CYP4X1: variants seen among roughly 807,000 people sequenced by gnomAD.
CYP4X1 encodes the protein cytochrome P450 4X1.
In CYP4X1, 44 loss-of-function variants were observed where a neutral mutation model predicts 57.9. The ratio of observed to expected loss-of-function variants is 0.76; its 90% confidence interval spans 0.60 to 0.98. The LOEUF is 0.98. Ranked by LOEUF, CYP4X1 falls within the 50% of genes least tolerant of loss-of-function variation. CYP4X1 has a pLI of 0.00. For synonymous variants in CYP4X1, 227 were observed against 228.6 expected, an observed-to-expected ratio of 0.99 and a Z score of 0.06; for missense variants, 532 against 623.9, an observed-to-expected ratio of 0.85 and a Z score of 1.57.
At chr1:47,047,430 A>T (rs1423527005) in intron 9 of CYP4X1, among the ~76,000 whole-genome samples, 1 of 152,202 alleles carries the variant, frequency 6.6e-6, no homozygotes, top group East Asian at 1.9e-4. Flanking sequence ...TGGAAGCTAG[A>T]ATTATTTCTG....
chr1:47,007,428 C>T, the CYP4X1 span, among the ~76,000 whole-genome samples: 1 of 152,084 alleles, frequency 6.6e-6, no homozygotes, highest in Admixed American at 6.6e-5. Context: ...CCCATCTGTA[C>T]GTCACCATGA....
At chr1:46,967,835 G>A in the CYP4X1 span, 3 of 1,281,256 alleles carry the variant, frequency 2.3e-6, no homozygotes, top group Non-Finnish European at 2.0e-6. Context: ...GCCACCTTTA[G>A]CTCATTCATG....
the CYP4X1 span, among the ~76,000 whole-genome samples, chr1:46,979,881 T>C: frequency 2.0e-5 from 3 of 152,114 alleles, no homozygotes; most frequent in East Asian, 5.8e-4. Context: ...AAAAACCACA[T>C]GATTATCTCA....
the CYP4X1 span, among the ~76,000 whole-genome samples, chr1:46,966,243 C>T: frequency 6.6e-5 from 10 of 152,156 alleles, no homozygotes; most frequent in Non-Finnish European, 7.4e-5. Context: ...CTTGGCTCGC[C>T]GGATTCAGCC....
At chr1:47,026,542 A>G (rs2148504487) in intron 1 of CYP4X1, among the ~76,000 whole-genome samples, 1 of 152,212 alleles carries the variant, frequency 6.6e-6, no homozygotes, top group East Asian at 1.9e-4. Flanking sequence ...TTTCTATACA[A>G]ATTTTAGACT....
At chr1:47,000,315 CCTT>C in the CYP4X1 span, among the ~76,000 whole-genome samples, 1 of 152,070 alleles carries the variant, frequency 6.6e-6, no homozygotes, top group Non-Finnish European at 1.5e-5. Context: ...GTCAATGAAA[CCTT>C]CTTTTGTTAT....
At chr1:47,049,274 C>T (rs769669196) in intron 10 of CYP4X1, 148 bp from the exon 11 acceptor site, 2 of 589,060 alleles carry the variant, frequency 3.4e-6, no homozygotes, top group Non-Finnish European at 6.0e-6. Flanking sequence ...TTAAGATTAA[C>T]TTCACCTTTT....
At chr1:46,982,717 C>A in the CYP4X1 span, among the ~76,000 whole-genome samples, 14 of 152,186 alleles carry the variant, frequency 9.2e-5, no homozygotes, top group African/African-American at 3.4e-4. Flanking sequence ...CTTGCTCAGC[C>A]ATGTGGCTCC....
At chr1:47,018,984 G>T (rs1286128988), upstream of CYP4X1, among the ~76,000 whole-genome samples, 1 of 152,156 alleles carries the variant, frequency 6.6e-6, no homozygotes, top group East Asian at 1.9e-4. Flanking sequence ...ATAATGAGAT[G>T]CAGATGAACT....
At chr1:47,023,016 G>C (rs761755578), upstream of CYP4X1, among the ~76,000 whole-genome samples, 1 of 152,170 alleles carries the variant, frequency 6.6e-6, no homozygotes, top group African/African-American at 2.4e-5. Flanking sequence ...CTGGCATCTA[G>C]AGTCAGCCCT....
upstream of CYP4X1, among the ~76,000 whole-genome samples, chr1:47,023,081 T>A (rs767283684): frequency 2.6e-5 from 4 of 152,238 alleles, no homozygotes; most frequent in Admixed American, 6.5e-5. Flanking sequence ...GAAGAGCATA[T>A]GCTCGGTTTA....
At chr1:47,043,272 A>G (rs767424585) in intron 8 of CYP4X1, among the ~76,000 whole-genome samples, 2 of 152,136 alleles carry the variant, frequency 1.3e-5, no homozygotes, top group East Asian at 3.9e-4. Context: ...AGAATTGTCT[A>G]TTCATGTCCT....
the CYP4X1 span, among the ~76,000 whole-genome samples, chr1:47,012,542 G>T: frequency 6.6e-6 from 1 of 151,024 alleles, no homozygotes; most frequent in Non-Finnish European, 1.5e-5. Context: ...ATGTACACTA[G>T]AACTTAAAGT....
chr1:47,018,279 A>G, the CYP4X1 span, among the ~76,000 whole-genome samples: 1 of 151,980 alleles, frequency 6.6e-6, no homozygotes, highest in Non-Finnish European at 1.5e-5. Flanking sequence ...GAGCTTATGG[A>G]CCTTCTATAA....
downstream of CYP4X1, among the ~76,000 whole-genome samples, chr1:47,052,978 T>C (rs573207472): frequency 6.6e-6 from 1 of 152,314 alleles, no homozygotes; most frequent in South Asian, 2.1e-4. Flanking sequence ...GCAGGTTTGT[T>C]ACATATGTAT....
chr1:46,990,430 G>T, the CYP4X1 span, among the ~76,000 whole-genome samples: 1 of 152,204 alleles, frequency 6.6e-6, no homozygotes, highest in Non-Finnish European at 1.5e-5. Flanking sequence ...AGAGAAATAG[G>T]AACGCTTTTA....
chr1:47,016,324 ATTTTTTTTAATTCTT>A, the CYP4X1 span, among the ~76,000 whole-genome samples: 3 of 148,390 alleles, frequency 2.0e-5, no homozygotes, highest in South Asian at 2.1e-4. Context: ...GCTGTACAGG[ATTTTTTTTAATTCTT>A]TTTTTTTTAA....
At chr1:47,028,152 G>A (rs1011894631) in intron 1 of CYP4X1, among the ~76,000 whole-genome samples, 3 of 152,200 alleles carry the variant, frequency 2.0e-5, no homozygotes, top group African/African-American at 7.2e-5. Context: ...GACCTAGGAT[G>A]TACATATGCA....
chr1:47,036,267 T>G (rs1005428843), intron 6 of CYP4X1, 96 bp downstream of exon 6: 15 of 1,380,344 alleles, frequency 1.1e-5, no homozygotes, highest in Non-Finnish European at 1.4e-5. Flanking sequence ...AGAGAAAGAA[T>G]CTTTGTTATT....
Sources: allele counts gnomAD v4.1 joint callset (sites outside exome capture counted in the v4.1 genomes callset), GRCh38; gene constraint gnomAD v4.1.1; transcripts MANE v1.5; gene names NCBI Gene and HGNC (gene_info 2026-07-23, HGNC 2026-07-21).